The following ITSN1 variants were observed in gnomAD, a reference collection of about 807,000 sequenced individuals.
ITSN1 encodes intersectin 1, also known as intersectin-1.
ITSN1 carries 58 observed loss-of-function variants against 239.8 expected under a neutral mutation model. The ratio of observed to expected loss-of-function variants is 0.24; its 90% CI spans 0.20 to 0.30. The LOEUF is 0.30. Among genes scored for constraint, ITSN1 ranks in the 10% least tolerant of loss-of-function variants. ITSN1 has a pLI of 1.00. For synonymous variants in ITSN1, 780 were observed against 770.8 expected (o/e 1.01, Z -0.20); for missense variants, 1,558 against 2,103.3 (o/e 0.74, Z 5.07).
chr21:33,686,192 C>G (rs1487590940), intron 1 of ITSN1, among the ~76,000 whole-genome samples: 2 of 152,036 alleles, frequency 1.3e-5, no homozygotes, highest in Non-Finnish European at 2.9e-5. Flanking sequence ...TATATATTTA[C>G]ATTCTACCTA....
intron 33 of ITSN1, among the ~76,000 whole-genome samples, chr21:33,869,419 A>G (rs1173801602): frequency 6.6e-6 from 1 of 152,248 alleles, no homozygotes; most frequent in Admixed American, 6.5e-5. Context: ...AGCCACCCCA[A>G]CGATTCAATT....
intron 10 of ITSN1, 100 bp downstream of exon 10, chr21:33,766,112 A>T: frequency 2.4e-6 from 3 of 1,238,978 alleles, no homozygotes. Flanking sequence ...CATCCCTGAC[A>T]AGGAAACTAA....
rs1197600068 is a variant in ITSN1, at chr21:33,690,791, A to G, written c.-32-28006A>G. Among the ~76,000 whole-genome samples the G allele has an allele frequency of 1.9e-3, 15 of 8,010 alleles. 2 individuals are homozygous for G. Among genetic ancestry groups the G allele is most frequent in the South Asian group, 4.6e-3 (2 of 432 alleles). The allele number at this position is 8,010 out of a possible 152,430, so 5.3% of individuals were successfully genotyped here. A position where few individuals can be genotyped will look rare whatever the true frequency, so the allele number is the denominator to read the frequency against. ...AAAAAAAGTGTATATATATATATAC[A>G]TATATATATATATATATATATATGT... On this transcript the variant is annotated intron_variant, in intron 1 of 39. Coordinates refer to ENST00000381318, the MANE Select transcript of ITSN1 (RefSeq NM_003024.3).
chr21:33,828,410 T>C (rs2074092959), intron 26 of ITSN1, among the ~76,000 whole-genome samples: 1 of 152,186 alleles, frequency 6.6e-6, no homozygotes, highest in African/African-American at 2.4e-5. Flanking sequence ...CCCCAAGCTC[T>C]GCAAAGCATC....
chr21:33,698,467 G>A (rs1482886212), intron 1 of ITSN1, among the ~76,000 whole-genome samples: 1 of 152,176 alleles, frequency 6.6e-6, no homozygotes, highest in Non-Finnish European at 1.5e-5. Flanking sequence ...TTCAGTTTTA[G>A]TAATAAGATT....
chr21:33,773,056 G>T (rs1367042950), intron 12 of ITSN1, among the ~76,000 whole-genome samples: 1 of 149,946 alleles, frequency 6.7e-6, no homozygotes, highest in Non-Finnish European at 1.5e-5. Flanking sequence ...TTCCAGGCTG[G>T]AATGCAGTGG....
At chr21:33,707,052 G>A (rs888269268) in intron 1 of ITSN1, among the ~76,000 whole-genome samples, 3 of 152,030 alleles carry the variant, frequency 2.0e-5, no homozygotes, top group African/African-American at 4.8e-5. Context: ...GAGCTTAAAC[G>A]AGATATTTTT....
chr21:33,842,237 C>T (rs2074849174), intron 29 of ITSN1, among the ~76,000 whole-genome samples: 1 of 152,170 alleles, frequency 6.6e-6, no homozygotes, highest in Admixed American at 6.5e-5. Context: ...TAGGAAAAAC[C>T]AGGCTTCCAG....
intron 30 of ITSN1, 71 bp from the exon 31 acceptor site, chr21:33,858,615 C>T (rs888707638): frequency 5.3e-6 from 5 of 939,866 alleles, no homozygotes; most frequent in South Asian, 2.9e-5. Context: ...CTGCTCTCAG[C>T]GGATCGGCGT....
At position 33,817,370 on chromosome 21, in the gene ITSN1, G is replaced by A. The variant is rs527853682; in HGVS notation, c.2728-897G>A. ...CCTCGGCCTGGAGTGCCCTTCCTCC[G>A]AAGCCCTAGCTGTCAAAGTCCTTCT... On this transcript the variant is annotated intron_variant, in intron 22 of 39. Transcript: ENST00000381318. 5.2e-4 allele frequency: 672 copies of A among 1,304,346 alleles called. 9 individuals carry two copies. The South Asian group carries it at 6.4e-3, about 12-fold the overall frequency. 80.8% of individuals were successfully genotyped at this position (1,304,346 alleles called of 1,614,324 possible).
At chr21:33,645,172 G>A (rs1043703523) in intron 1 of ITSN1, among the ~76,000 whole-genome samples, 2 of 152,186 alleles carry the variant, frequency 1.3e-5, no homozygotes, top group African/African-American at 4.8e-5. Context: ...ACATTTGTGA[G>A]TTGTAGAGAA....
intron 4 of ITSN1, among the ~76,000 whole-genome samples, chr21:33,730,849 G>T (rs953841794): frequency 5.0e-4 from 75 of 151,432 alleles, no homozygotes; most frequent in Non-Finnish European, 8.3e-4. Flanking sequence ...ACAGGCGCCC[G>T]CGTGCCCAGC....
At position 33,892,309 on chromosome 21, in the gene ITSN1, A is replaced by G. The variant is rs1331776566; in HGVS notation, c.*4009A>G. 6.6e-6 allele frequency: 1 copy of G among 152,222 alleles called. No homozygotes were observed. The highest frequency in any genetic ancestry group is 1.5e-5 in the Non-Finnish European group (1 of 68,034). The allele number at this position is 152,222 out of a possible 1,614,324, so 9.4% of individuals were successfully genotyped here. On this transcript the variant is annotated 3_prime_UTR_variant, in exon 40 of 40. Coordinates refer to ENST00000381318, the MANE Select transcript of ITSN1 (RefSeq NM_003024.3). ...TGAGCCACCATAAGAGGCATTAGGG[A>G]AAACTAACACCTCCTTCTTTTTGCA...
chr21:33,680,336 T>TTTTTTC (rs200921209), intron 1 of ITSN1, among the ~76,000 whole-genome samples: 199 of 143,074 alleles, frequency 1.4e-3, no homozygotes, highest in African/African-American at 4.8e-3. Flanking sequence ...TTCTTTTTTC[T>TTTTTTC]TTTTTTTTTT....
intron 1 of ITSN1, among the ~76,000 whole-genome samples, chr21:33,645,867 TAGC>T (rs755732634): frequency 6.6e-6 from 1 of 152,188 alleles, no homozygotes; most frequent in Non-Finnish European, 1.5e-5. Flanking sequence ...GTTTTTCAAG[TAGC>T]AGATTAAGTT....
At chr21:33,759,048 ATCT>A (rs1391262864) in intron 8 of ITSN1, among the ~76,000 whole-genome samples, 3 of 152,230 alleles carry the variant, frequency 2.0e-5, no homozygotes, top group African/African-American at 7.2e-5. Context: ...GATAATTGTG[ATCT>A]TCTAGTGTGG....
rs1447531763 is a variant in ITSN1, at chr21:33,797,822, C to A, written c.2182+214C>A. ...CCATGCCAGCCTCTGGCCCACGTTA[C>A]ACTGGCATCCACGAGTCCTCTACGG... is the stretch of plus-strand genomic sequence containing the variant. On this transcript the variant is annotated intron_variant, in intron 18 of 39. Transcript: ENST00000381318. The surrounding 1 kb of genome is among the most constrained non-coding windows in gnomAD (Gnocchi z 4.9). 6.6e-6 allele frequency among the ~76,000 whole-genome samples: 1 copy of A among 152,020 alleles called. No homozygotes were observed. Among genetic ancestry groups the A allele is most frequent in the Non-Finnish European group, 1.5e-5 (1 of 67,990 alleles).
chr21:33,819,166 A>G, intron 23 of ITSN1, 75 bp from the exon 24 acceptor site: 1 of 1,144,598 alleles, frequency 8.7e-7, no homozygotes, highest in Non-Finnish European at 1.3e-6. Flanking sequence ...AGCAGTTTTA[A>G]CAGAAAAATC....
At chr21:33,877,643 C>A (rs942970897) in intron 34 of ITSN1, among the ~76,000 whole-genome samples, 1 of 152,024 alleles carries the variant, frequency 6.6e-6, no homozygotes, top group African/African-American at 2.4e-5. Context: ...TAGTAGACCC[C>A]TCACGTTGGC....
Sources: gnomAD v4.1 joint callset for allele counts (sites outside exome capture counted in the v4.1 genomes callset) on GRCh38, gnomAD v4.1.1 for gene constraint, Gnocchi (gnomAD v3.1) non-coding constraint, MANE v1.5 for transcripts, NCBI Gene and HGNC (gene_info 2026-07-23, HGNC 2026-07-21) for gene names.